Variants in RTKN2 observed in about 807,000 individuals in gnomAD.
RTKN2 encodes rhotekin 2.
A neutral mutation model predicts 71.5 loss-of-function variants in RTKN2; 69 were observed. The ratio of observed to expected loss-of-function variants is 0.96; its 90% CI spans 0.79 to 1.18. The LOEUF (loss-of-function observed/expected upper bound fraction) is 1.18, where lower values mean the gene tolerates loss of function less well. Ranked by LOEUF, RTKN2 falls within the 50% of genes most tolerant of loss-of-function variation. RTKN2 has a pLI of 0.00. For missense variants in RTKN2, 724 were observed against 719.7 expected, an observed-to-expected ratio of 1.01 and a Z score of -0.07; for synonymous variants, 236 against 236.5, an observed-to-expected ratio of 1.00 and a Z score of 0.02.
chr10:62,205,799 A>G (rs932083222), intron 9 of RTKN2, among the ~76,000 whole-genome samples: 1 of 152,166 alleles, frequency 6.6e-6, no homozygotes, highest in Non-Finnish European at 1.5e-5. Context: ...AGTCACACAC[A>G]GGCACAGCCA....
At chr10:62,255,007 G>A (rs183688281) in intron 2 of RTKN2, among the ~76,000 whole-genome samples, 1 of 152,022 alleles carries the variant, frequency 6.6e-6, no homozygotes, top group Admixed American at 6.6e-5. Context: ...AAAATGGACT[G>A]GACAGAGGGA....
chr10:62,186,839 C>G (rs1393489395), intron 8 of RTKN2, among the ~76,000 whole-genome samples: 1 of 152,066 alleles, frequency 6.6e-6, no homozygotes, highest in Non-Finnish European at 1.5e-5. Context: ...CTAGCAGAGT[C>G]CTGTATATGA....
intron 7 of RTKN2, among the ~76,000 whole-genome samples, chr10:62,221,677 A>G (rs369887887): frequency 1.3e-5 from 2 of 152,186 alleles, no homozygotes; most frequent in Non-Finnish European, 2.9e-5. Flanking sequence ...TCACAGAAGG[A>G]GATTTTATCA....
At chr10:62,231,627 A>AT (rs945527805) in intron 6 of RTKN2, among the ~76,000 whole-genome samples, 14 of 151,006 alleles carry the variant, frequency 9.3e-5, no homozygotes, top group Middle Eastern at 3.4e-3. Flanking sequence ...AATCAGCTAC[A>AT]TTTTTTTTTC....
intron 8 of RTKN2, among the ~76,000 whole-genome samples, chr10:62,188,052 T>C (rs577595946): frequency 6.6e-6 from 1 of 152,394 alleles, no homozygotes; most frequent in East Asian, 1.9e-4. Flanking sequence ...TATATTTTCA[T>C]GCTTTTTAAG....
intron 9 of RTKN2, chr10:62,214,885 T>G (rs1191251050): frequency 6.4e-6 from 3 of 465,642 alleles, no homozygotes; most frequent in Non-Finnish European, 1.1e-5. Context: ...TTTATCTATT[T>G]TTTCCTACTC....
At chr10:62,253,089 C>G (rs1482314911) in intron 2 of RTKN2, among the ~76,000 whole-genome samples, 1 of 151,850 alleles carries the variant, frequency 6.6e-6, no homozygotes, top group African/African-American at 2.4e-5. Flanking sequence ...ATATAAAACC[C>G]AACTCTAGGA....
chr10:62,242,183 T>C (rs1842390025), intron 3 of RTKN2, among the ~76,000 whole-genome samples: 1 of 152,158 alleles, frequency 6.6e-6, no homozygotes, highest in African/African-American at 2.4e-5. Context: ...ACCTTTATAA[T>C]ATACTTACTA....
chr10:62,246,573 C>T, intron 2 of RTKN2, among the ~76,000 whole-genome samples: 1 of 151,926 alleles, frequency 6.6e-6, no homozygotes, highest in East Asian at 1.9e-4. Flanking sequence ...TTAATTTCCC[C>T]AAGATTCCAA....
chr10:62,266,719 A>C (rs111340036), intron 1 of RTKN2, among the ~76,000 whole-genome samples: 4 of 152,256 alleles, frequency 2.6e-5, no homozygotes, highest in African/African-American at 9.6e-5. Context: ...TAATAACAAC[A>C]ATAGTCATCT....
chr10:62,254,623 T>C (rs894182992), intron 2 of RTKN2, among the ~76,000 whole-genome samples: 3 of 152,118 alleles, frequency 2.0e-5, no homozygotes, highest in Admixed American at 2.0e-4. Context: ...AAAGAACTTA[T>C]TTTAAATTGT....
At position 62,239,634 on chromosome 10, in the gene RTKN2, TA is replaced by T; in HGVS notation, c.488+13del. 1 of 1,141,280 alleles carries T rather than the reference TA, an allele frequency of 8.8e-7. No homozygotes were observed. Among genetic ancestry groups the T allele is most frequent in the Non-Finnish European group, 1.2e-6 (1 of 802,552 alleles). 70.7% of individuals were successfully genotyped at this position (1,141,280 alleles called of 1,614,324 possible). A position where few individuals can be genotyped will look rare whatever the true frequency, so the allele number is the denominator to read the frequency against. On this transcript the variant is annotated intron_variant, in intron 5 of 11. Transcript: ENST00000373789. ...TAAATTATTTTTATTCTCTGAAGATTAAAAAATACTTACAATATGGTTACAT... is the reference window on the plus strand; with the variant it reads ...TAAATTATTTTTATTCTCTGAAGATTAAAAATACTTACAATATGGTTACAT...
Position 62,241,167 on chromosome 10 carries a change from G to A in RTKN2, c.345C>T (p.Asp115=). 6.4e-7 allele frequency: 1 copy of A among 1,559,782 alleles called. No homozygotes were observed. The highest frequency in any genetic ancestry group is 1.4e-5 in the African/African-American group (1 of 73,314). ...GTTCTTTATTGCTGAAGTGATCAGA[G>A]TCTTTCCACATTAGTGGTATTCGAA... is the stretch of plus-strand genomic sequence containing the variant. ...SDIRIPLMWK[D]SDHFSNKERS... Residue 115 remains aspartate, a synonymous_variant, in exon 4 of 12, where the codon GAC becomes GAT. Transcript: ENST00000373789.
downstream of RTKN2, among the ~76,000 whole-genome samples, chr10:62,191,362 C>T (rs1406646957): frequency 6.6e-6 from 1 of 152,162 alleles, no homozygotes; most frequent in Admixed American, 6.5e-5. Context: ...CCAAGCTGCT[C>T]TTGAACTCCT....
At chr10:62,191,914 T>A (rs1295073991), downstream of RTKN2, among the ~76,000 whole-genome samples, 1 of 152,136 alleles carries the variant, frequency 6.6e-6, no homozygotes, top group African/African-American at 2.4e-5. Flanking sequence ...ATCAGCTGTA[T>A]CCTCTTCCCT....
chr10:62,185,347 G>T (rs1280939857), intron 8 of RTKN2, among the ~76,000 whole-genome samples: 1 of 152,168 alleles, frequency 6.6e-6, no homozygotes, highest in Non-Finnish European at 1.5e-5. Flanking sequence ...GCTGGGCACG[G>T]TGGCTCAGGC....
Position 62,239,701 on chromosome 10 carries a change from C to A in RTKN2, c.435G>T (p.Val145=). The change falls in exon 5 of 12, where the codon GTG becomes GTT. Residue 145 remains valine (V), a synonymous_variant. Coordinates refer to ENST00000373789, the MANE Select transcript of RTKN2 (RefSeq NM_145307.4). ...CTGTGATTGTTTTATCCACATTCAC[C>A]ACATCAGTATCAAACACATTAGCTC... The part of the protein sequence containing the change: ...KMGANVFDTD[V]VNVDKTITDI... 2 of 1,584,604 alleles carry A rather than the reference C, an allele frequency of 1.3e-6. No homozygotes were observed. Among genetic ancestry groups the A allele is most frequent in the East Asian group, 2.3e-5 (1 of 43,592 alleles).
At chr10:62,229,812 A>C (rs1277390435) in intron 6 of RTKN2, among the ~76,000 whole-genome samples, 1 of 152,200 alleles carries the variant, frequency 6.6e-6, no homozygotes, top group Non-Finnish European at 1.5e-5. Context: ...TGTGACTAAG[A>C]CATCTTTTAA....
Position 62,239,687 on chromosome 10 carries a change from T to A in RTKN2, c.449A>T (p.Lys150Ile). The A allele has an allele frequency of 6.4e-7, 1 of 1,565,542 alleles. No individual in the cohort carries two copies. The highest frequency in any genetic ancestry group is 8.7e-7 in the Non-Finnish European group (1 of 1,147,664). The change falls in exon 5 of 12, where the codon AAA (lysine) becomes ATA (isoleucine). Residue 150 changes from lysine to isoleucine, a missense_variant. By Grantham distance (102) the Lys-to-Ile change is moderately radical. Transcript: ENST00000373789. ...VFDTDVVNVD[K>I]TITDICFENV... ...TTCAAAACATATATCTGTGATTGTT[T>A]TATCCACATTCACCACATCAGTATC...
Sources: gnomAD v4.1 joint callset for allele counts (sites outside exome capture counted in the v4.1 genomes callset) on GRCh38, gnomAD v4.1.1 for gene constraint, MANE v1.5 for transcripts, NCBI Gene and HGNC (gene_info 2026-07-23, HGNC 2026-07-21) for gene names.